EDC3: variants seen among roughly 807,000 people sequenced by gnomAD.
EDC3 encodes enhancer of mRNA decapping 3.
In EDC3, 20 loss-of-function variants were observed where a neutral mutation model predicts 41.8. That is an observed-to-expected ratio of 0.48 (90% CI 0.34 to 0.70). EDC3 has a LOEUF of 0.70. Among genes scored for constraint, EDC3 ranks in the 30% least tolerant of loss-of-function variants. The pLI is 0.01. For synonymous variants in EDC3, 206 were observed against 243.2 expected (o/e 0.85, Z 1.42); for missense variants, 444 against 636.8 (o/e 0.70, Z 3.26).
intron 1 of EDC3, among the ~76,000 whole-genome samples, chr15:74,676,680 A>T (rs114998503): frequency 2.7e-3 from 408 of 152,322 alleles, no homozygotes; most frequent in African/African-American, 9.4e-3. Flanking sequence ...TTATCAAGAG[A>T]ATAAGACAAG....
rs913935706 is a variant in EDC3 at position 74,696,021 on chromosome 15, C to T, written c.-160G>A. ...ACCGCCGCCGCTGCCGGAAGCGCCC[C>T]CACGTCTCCACGCCACCACCGTGAG... On this transcript the variant is annotated 5_prime_UTR_variant, in exon 1 of 7. Transcript: ENST00000315127. 5 of 152,450 alleles carry T rather than the reference C, an allele frequency of 3.3e-5. No individual in the cohort carries two copies. Among genetic ancestry groups the T allele is most frequent in the Non-Finnish European group, 7.3e-5 (5 of 68,222 alleles). The allele number at this position is 152,450 out of a possible 1,614,324, so 9.4% of individuals were successfully genotyped here.
intron 5 of EDC3, chr15:74,637,849 G>A (rs1007329712): frequency 1.1e-4 from 16 of 152,310 alleles, no homozygotes; most frequent in African/African-American, 3.8e-4. Flanking sequence ...GGGGCCCTGT[G>A]GGAAGCAACA....
rs1433920058 is a variant in EDC3, at chr15:74,689,775, C to T, written c.-19+6105G>A. ...TCCTGACCTCATGATCCGCCCGCCT[C>T]GGCCTCCCAAAGTGCTGGGATTACA... On this transcript the variant is annotated intron_variant, in intron 1 of 6. Coordinates refer to ENST00000315127, the MANE Select transcript of EDC3 (RefSeq NM_025083.5). Among the ~76,000 whole-genome samples, 10 of 152,324 alleles carry T rather than the reference C, an allele frequency of 6.6e-5. No homozygotes were observed. In the East Asian group the frequency reaches 1.5e-3, roughly 24 times the overall value.
At chr15:74,673,995 A>G (rs1214223533) in intron 2 of EDC3, among the ~76,000 whole-genome samples, 1 of 152,224 alleles carries the variant, frequency 6.6e-6, no homozygotes, top group Non-Finnish European at 1.5e-5. Flanking sequence ...AAAAACAACA[A>G]AAAAAGTAAA....
chr15:74,660,986 A>G (rs2062614227), intron 3 of EDC3, among the ~76,000 whole-genome samples: 1 of 152,184 alleles, frequency 6.6e-6, no homozygotes, highest in South Asian at 2.1e-4. Flanking sequence ...TAAAATATAC[A>G]TTACATAAAA....
chr15:74,673,580 T>C (rs902537134), intron 2 of EDC3, among the ~76,000 whole-genome samples: 1 of 152,014 alleles, frequency 6.6e-6, no homozygotes, highest in African/African-American at 2.4e-5. Flanking sequence ...CTCACACCTG[T>C]AATCCCAGCA....
chr15:74,671,481 T>C lies in EDC3; in HGVS notation c.458A>G (p.Lys153Arg). 2 of 1,613,188 alleles carry C rather than the reference T, an allele frequency of 1.2e-6. No homozygotes were observed. The highest frequency in any genetic ancestry group is 4.5e-5 in the East Asian group (2 of 44,854). Residue 153 changes from lysine to arginine, a missense_variant, in exon 3 of 7, where the codon AAA becomes AGA. Physicochemically the swap from Lys to Arg is conservative, Grantham distance 26. This residue lies in a region of EDC3 where 200 missense variants were observed against 244.0 expected (regional missense o/e 0.82). Coordinates refer to ENST00000315127, the MANE Select transcript of EDC3 (RefSeq NM_025083.5). The surrounding 1 kb of genome is among the most constrained non-coding windows in gnomAD (Gnocchi z 4.6). The part of the protein sequence containing the change: ...DRHMESLSQS[K>R]SFRRRHNSWS... ...GGAGTTGTGCCGACGACGGAAACTT[T>C]TGGACTGACTCAAGGATTCCATGTG... is the stretch of plus-strand genomic sequence containing the variant.
At chr15:74,661,990 G>A (rs1046944744) in intron 3 of EDC3, among the ~76,000 whole-genome samples, 12 of 151,906 alleles carry the variant, frequency 7.9e-5, no homozygotes, top group African/African-American at 1.9e-4. Flanking sequence ...CTGCTTTCTC[G>A]CTTAGGAGCA....
At position 74,671,103 on chromosome 15, in the gene EDC3, C is replaced by T. The variant is rs2062733074; in HGVS notation, c.484+352G>A. Among the ~76,000 whole-genome samples the T allele has an allele frequency of 6.6e-6, 1 of 151,888 alleles. No homozygotes were observed. The stretch of plus-strand genomic sequence containing the variant: ...CTAGCCTTGAACTCCTGGGCTCAAA[C>T]AATCCTCCTGCCTCAACCTCTCAAG... On this transcript the variant is annotated intron_variant, in intron 3 of 6. Coordinates refer to ENST00000315127, the MANE Select transcript of EDC3 (RefSeq NM_025083.5). The surrounding 1 kb of genome is among the most constrained non-coding windows in gnomAD (Gnocchi z 4.6).
At chr15:74,654,776 C>G (rs1045003446) in intron 4 of EDC3, among the ~76,000 whole-genome samples, 2 of 151,834 alleles carry the variant, frequency 1.3e-5, no homozygotes, top group African/African-American at 4.8e-5. Flanking sequence ...CAACAGAGTC[C>G]TACTATTATC....
At chr15:74,669,830 T>A (rs1272368412) in intron 3 of EDC3, among the ~76,000 whole-genome samples, 2 of 152,056 alleles carry the variant, frequency 1.3e-5, no homozygotes, top group Non-Finnish European at 2.9e-5. Context: ...AGTTAATGAA[T>A]ACTCATTTAA....
intron 1 of EDC3, among the ~76,000 whole-genome samples, chr15:74,693,774 G>A (rs139443084): frequency 0.024 from 3,643 of 152,034 alleles, 149 homozygotes; most frequent in African/African-American, 0.083. Context: ...ACCTGAGGTC[G>A]GGAGTTCGAG....
chr15:74,688,630 G>A (rs1019200863), intron 1 of EDC3, among the ~76,000 whole-genome samples: 2 of 152,210 alleles, frequency 1.3e-5, no homozygotes, highest in Admixed American at 6.5e-5. Flanking sequence ...GTGAGGCCAG[G>A]CATGGTGGCT....
intron 1 of EDC3, among the ~76,000 whole-genome samples, chr15:74,682,782 G>T (rs571115548): frequency 1.3e-5 from 2 of 152,252 alleles, no homozygotes; most frequent in Admixed American, 1.3e-4. Flanking sequence ...CAGCACTTTG[G>T]GAGGCTGAGG....
chr15:74,677,358 C>G (rs192141224), intron 1 of EDC3, among the ~76,000 whole-genome samples: 3 of 137,594 alleles, frequency 2.2e-5, no homozygotes, highest in South Asian at 2.2e-4. Flanking sequence ...CCATGCCCAG[C>G]CTTTTTTTTT....
intron 5 of EDC3, chr15:74,639,619 G>C (rs2062321938): frequency 6.6e-6 from 1 of 152,050 alleles, no homozygotes; most frequent in Admixed American, 6.6e-5. Flanking sequence ...TGAGGCTGAG[G>C]TGGGAGAATT....
chr15:74,686,175 AT>A (rs1173175794), intron 1 of EDC3, among the ~76,000 whole-genome samples: 3 of 152,130 alleles, frequency 2.0e-5, no homozygotes, highest in Admixed American at 6.5e-5. Context: ...AAATACAAAA[AT>A]TAGCCAAATG....
chr15:74,645,004 C>G (rs1205734921), intron 4 of EDC3: 3 of 152,116 alleles, frequency 2.0e-5, no homozygotes, highest in Non-Finnish European at 4.4e-5. Context: ...CTACCAAAAT[C>G]CTAGAAAACA....
intron 3 of EDC3, among the ~76,000 whole-genome samples, chr15:74,658,579 T>C (rs1156367212): frequency 7.5e-6 from 1 of 134,084 alleles, no homozygotes; most frequent in South Asian, 2.3e-4. Flanking sequence ...CTTGTACTGG[T>C]GTGGAAAAAG....
Sources: gnomAD v4.1 joint callset for allele counts (sites outside exome capture counted in the v4.1 genomes callset) on GRCh38, gnomAD v4.1.1 for gene constraint, gnomAD v4.1.1 regional missense constraint, Gnocchi (gnomAD v3.1) non-coding constraint, MANE v1.5 for transcripts, NCBI Gene and HGNC (gene_info 2026-07-23, HGNC 2026-07-21) for gene names.